The following HPS3 variants were observed in gnomAD, a reference collection of about 807,000 sequenced individuals.
HPS3 encodes BLOC-2 complex member HPS3.
Under a neutral mutation model 110.9 loss-of-function variants are expected in HPS3, and 79 were observed. That is an observed-to-expected ratio of 0.71 (90% confidence interval 0.59 to 0.86). The LOEUF (loss-of-function observed/expected upper bound fraction) is 0.86, where lower values mean the gene tolerates loss of function less well. Among genes scored for constraint, HPS3 ranks in the 40% least tolerant of loss-of-function variants. The probability of loss-of-function intolerance (pLI) is 0.00; values close to 1 mark genes in which losing one functional copy is unlikely to be tolerated. For synonymous variants in HPS3, 428 were observed against 451.0 expected, an observed-to-expected ratio of 0.95 and a Z score of 0.65; for missense variants, 1,197 against 1,206.2, an observed-to-expected ratio of 0.99 and a Z score of 0.11.
chr3:149,166,206 C>T (rs1407481212), intron 14 of HPS3, among the ~76,000 whole-genome samples: 13 of 152,168 alleles, frequency 8.5e-5, no homozygotes. Flanking sequence ...GTTGTAAATT[C>T]TGAGATAATA....
In HPS3 at chr3:149,163,835, G is replaced by C; in HGVS notation, c.2482-7G>C. ...TTTTGTTTATGAGAAATTCTTTTATGTTTTAGATAAATGCCTGTAGTCATT... is the reference window on the plus strand; with the variant it reads ...TTTTGTTTATGAGAAATTCTTTTATCTTTTAGATAAATGCCTGTAGTCATT... On this transcript the variant is annotated splice_polypyrimidine_tract_variant and splice_region_variant and intron_variant, in intron 13 of 16. Transcript: ENST00000296051. 7.0e-7 allele frequency: 1 copy of C among 1,431,540 alleles called. No homozygotes were observed. 88.7% of individuals were successfully genotyped at this position (1,431,540 alleles called of 1,614,324 possible).
intron 4 of HPS3, 70 bp from the exon 5 acceptor site, chr3:149,145,284 C>A: frequency 8.2e-7 from 1 of 1,216,268 alleles, no homozygotes; most frequent in African/African-American, 1.5e-5. Flanking sequence ...ATAGCAAAGT[C>A]AATATATGAT....
In HPS3 at chr3:149,157,387, A is replaced by G. The variant is rs2108158546; in HGVS notation, c.1547A>G (p.Gln516Arg). The G allele has an allele frequency of 6.2e-7, 1 of 1,613,916 alleles. No individual in the cohort carries two copies. The highest frequency in any genetic ancestry group is 8.5e-7 in the Non-Finnish European group (1 of 1,179,868). ...AATACCTATAAGACTGTCAAAACCC[A>G]GAGCTGCATTCACCTTCTCAGTGAG... Reference protein sequence around the residue: ...YSNTYKTVKTQSCIHLLSEAH... With the variant: ...YSNTYKTVKTRSCIHLLSEAH... Residue 516 changes from glutamine to arginine, a missense_variant, in exon 9 of 17, where the codon CAG (glutamine) becomes CGG (arginine). Physicochemically the swap from Gln to Arg is conservative, Grantham distance 43 (BLOSUM62 1). Transcript: ENST00000296051.
intron 4 of HPS3, among the ~76,000 whole-genome samples, chr3:149,141,999 C>G (rs1722505644): frequency 6.6e-6 from 1 of 151,864 alleles, no homozygotes; most frequent in African/African-American, 2.4e-5. Flanking sequence ...TACAGGAATG[C>G]CCCACCACGC....
At position 149,129,737 on chromosome 3, in the gene HPS3, A is replaced by G. The variant is rs768073643; in HGVS notation, c.14A>G (p.Tyr5Cys). 6.2e-7 allele frequency: 1 copy of G among 1,602,628 alleles called. No individual in the cohort carries two copies. Among genetic ancestry groups the G allele is most frequent in the South Asian group, 1.1e-5 (1 of 90,644 alleles). Residue 5 changes from tyrosine (Y) to cysteine (C), a missense_variant, in exon 1 of 17, where the codon TAC (tyrosine) becomes TGC (cysteine). Physicochemically the swap from Tyr to Cys is radical, Grantham distance 194 (BLOSUM62 -2). Transcript: ENST00000296051. MVQL[Y>C]NLHPFGSQQV... ...CCGGACGTCGGGATGGTGCAGCTGT[A>G]CAACCTGCACCCGTTCGGGTCGCAG...
At chr3:149,141,531 GTTTTTTTTTTT>G (rs10718838) in intron 4 of HPS3, 151 bp downstream of exon 4, 57 of 382,642 alleles carry the variant, frequency 1.5e-4, no homozygotes, top group Middle Eastern at 8.9e-4. Flanking sequence ...TTTTTTTTTT[GTTTTTTTTTTT>G]TTTTTTTTTT....
intron 7 of HPS3, among the ~76,000 whole-genome samples, chr3:149,154,441 A>ACACAGAGTG (rs1247628781): frequency 7.9e-5 from 12 of 152,250 alleles, no homozygotes; most frequent in Non-Finnish European, 7.3e-5. Flanking sequence ...CTTTGAGTGT[A>ACACAGAGTG]CACAGAGTGG....
At chr3:149,166,976 G>T in intron 14 of HPS3, 58 bp from the exon 15 acceptor site, 1 of 1,293,542 alleles carries the variant, frequency 7.7e-7, no homozygotes, top group South Asian at 1.2e-5. Flanking sequence ...AATTCTGCAT[G>T]TTGTGTTTTA....
Position 149,129,771 on chromosome 3 carries a change from GC to G in HPS3, c.51del (p.Cys18AlafsTer60). On this transcript the variant is annotated frameshift_variant, in exon 1 of 17. Coordinates refer to ENST00000296051, the MANE Select transcript of HPS3 (RefSeq NM_032383.5). LOFTEE classifies it high-confidence loss of function. ...ACCCGTTCGGGTCGCAGCAGGTGGT[GC>G]CCTGCAAGCTGGAGCCGGACCGGTT... ...LHPFGSQQVV[P>X]CKLEPDRFCG... 6.2e-7 allele frequency: 1 copy of G among 1,608,166 alleles called. No homozygotes were observed.
intron 1 of HPS3, among the ~76,000 whole-genome samples, chr3:149,131,352 CTG>C (rs145164301): frequency 0.021 from 3,258 of 152,206 alleles, 69 homozygotes; most frequent in Middle Eastern, 0.058. Context: ...TGTGGCAACT[CTG>C]TGTGGAGCAA....
chr3:149,142,100 C>T (rs574872045), intron 4 of HPS3, among the ~76,000 whole-genome samples: 10 of 151,270 alleles, frequency 6.6e-5, no homozygotes, highest in South Asian at 2.1e-4. Context: ...CCGCCCACCT[C>T]GGCCTCCCAA....
At position 149,141,271 on chromosome 3, in the gene HPS3, TTCTC is replaced by T; in HGVS notation, c.885-22_885-19del. On this transcript the variant is annotated intron_variant, in intron 3 of 16. Coordinates refer to ENST00000296051, the MANE Select transcript of HPS3 (RefSeq NM_032383.5). Reference sequence around the variant, plus strand: ...GTACATGGAAGTTATATTTTTCCCTTTCTCTGTCTTTTTAAACCCACAGACGTTT... The same window carrying T: ...GTACATGGAAGTTATATTTTTCCCTTTGTCTTTTTAAACCCACAGACGTTT... The T allele has an allele frequency of 6.2e-7, 1 of 1,611,494 alleles. No individual in the cohort carries two copies. Among genetic ancestry groups the T allele is most frequent in the Non-Finnish European group, 8.5e-7 (1 of 1,177,754 alleles).
At chr3:149,160,751 T>C (rs918116179) in intron 11 of HPS3, among the ~76,000 whole-genome samples, 3 of 152,218 alleles carry the variant, frequency 2.0e-5, no homozygotes, top group Non-Finnish European at 4.4e-5. Flanking sequence ...AAACACAGGC[T>C]TTCCCTTGGA....
intron 16 of HPS3, among the ~76,000 whole-genome samples, chr3:149,169,019 A>G (rs895377016): frequency 1.3e-5 from 2 of 151,106 alleles, no homozygotes; most frequent in Admixed American, 1.3e-4. Context: ...TCTGTCTTCA[A>G]AATATATTTG....
At chr3:149,143,229 C>T (rs1185421555) in intron 4 of HPS3, among the ~76,000 whole-genome samples, 1 of 152,212 alleles carries the variant, frequency 6.6e-6, no homozygotes, top group Non-Finnish European at 1.5e-5. Flanking sequence ...ACCCTGCTTA[C>T]TATTCTTCAT....
At chr3:149,147,326 G>A (rs986158526) in intron 5 of HPS3, among the ~76,000 whole-genome samples, 4 of 151,834 alleles carry the variant, frequency 2.6e-5, no homozygotes, top group East Asian at 1.9e-4. Flanking sequence ...TTTTACTACC[G>A]CCAAAAAAAA....
intron 5 of HPS3, among the ~76,000 whole-genome samples, chr3:149,148,156 A>G (rs1722893177): frequency 6.6e-6 from 1 of 152,102 alleles, no homozygotes; most frequent in Non-Finnish European, 1.5e-5. Flanking sequence ...TACAGATGTG[A>G]GCTACTGCGC....
intron 6 of HPS3, 148 bp downstream of exon 6, chr3:149,150,828 A>G (rs1723058366): frequency 1.4e-6 from 1 of 712,032 alleles, no homozygotes; most frequent in South Asian, 1.5e-5. Flanking sequence ...TGGATGTAAA[A>G]TAGTGAGGAT....
At chr3:149,145,229 AACT>A (rs1034884305) in intron 4 of HPS3, 122 bp from the exon 5 acceptor site, 2 of 725,954 alleles carry the variant, frequency 2.8e-6, no homozygotes, top group African/African-American at 3.5e-5. Context: ...TATAAAGAGC[AACT>A]TCCCCTTTGC....
Sources: gnomAD v4.1 joint callset for allele counts (sites outside exome capture counted in the v4.1 genomes callset) on GRCh38, gnomAD v4.1.1 for gene constraint, MANE v1.5 for transcripts, NCBI Gene and HGNC (gene_info 2026-07-23, HGNC 2026-07-21) for gene names.